Variants in NBPF19 observed in about 807,000 individuals in gnomAD.
NBPF19 encodes the protein NBPF member 19.
Under a neutral mutation model 45.9 loss-of-function variants are expected in NBPF19, and 30 were observed. The ratio of observed to expected loss-of-function variants is 0.65; its 90% confidence interval spans 0.49 to 0.89. NBPF19 has a LOEUF of 0.89. Ranked by LOEUF, NBPF19 falls within the 40% of genes least tolerant of loss-of-function variation. The pLI is 0.00. For missense variants in NBPF19, 495 were observed against 471.8 expected (o/e 1.05, Z -0.46); for synonymous variants, 183 against 181.2 (o/e 1.01, Z -0.08).
At chr1:149,478,716 C>G (rs1314299872) in intron 3 of NBPF19, among the ~76,000 whole-genome samples, 164 bp from the exon 4 acceptor site, 1 of 150,728 alleles carries the variant, frequency 6.6e-6, no homozygotes, top group Non-Finnish European at 1.5e-5. Context: ...GCCTGTAGAC[C>G]ATTTTCTATT....
At chr1:149,486,699 G>C (rs1383098692) in intron 8 of NBPF19, among the ~76,000 whole-genome samples, 15 of 151,254 alleles carry the variant, frequency 9.9e-5, no homozygotes, top group Non-Finnish European at 5.9e-5. Context: ...TTCTTTACCT[G>C]CCCAAGGCCA....
At chr1:149,477,298 G>A (rs1251128373) in intron 2 of NBPF19, among the ~76,000 whole-genome samples, 3 of 151,274 alleles carry the variant, frequency 2.0e-5, no homozygotes, top group Non-Finnish European at 4.4e-5. Context: ...TCATTCTGAT[G>A]TTTCTAAATT....
chr1:149,488,013 G>T lies in NBPF19; in HGVS notation c.1041G>T (p.Arg347Ser). The change falls in exon 10 of 94, where the codon AGG becomes AGT. Residue 347 changes from arginine (R) to serine (S), a missense_variant and splice_region_variant. Physicochemically the swap from Arg to Ser is moderately radical, Grantham distance 110 (BLOSUM62 -1). Coordinates refer to ENST00000651566, the MANE Select transcript of NBPF19 (RefSeq NM_001351365.2). ...TCTTTACTTTTTCCCACTTTTCCAG[G>T]CTCAGCAGGGAGCTGCTGGATGAGA... ...KKEDQEATGP[R>S]LSRELLDEKG... 2.9e-6 allele frequency: 2 copies of T among 687,154 alleles called. No homozygotes were observed. Among genetic ancestry groups the T allele is most frequent in the Non-Finnish European group, 5.3e-6 (2 of 375,224 alleles). The allele number at this position is 687,154 out of a possible 1,614,324, so 42.6% of individuals were successfully genotyped here.
chr1:149,477,509 T>C (rs2084914834), intron 2 of NBPF19, among the ~76,000 whole-genome samples: 1 of 151,272 alleles, frequency 6.6e-6, no homozygotes, highest in Non-Finnish European at 1.5e-5. Flanking sequence ...CTTGACATAT[T>C]TGTCCTTGAA....
rs1371670499 is a variant in NBPF19, at chr1:149,555,737, A to G, written c.*999A>G. 2.0e-5 allele frequency: 3 copies of G among 151,210 alleles called. 1 individual carries two copies. The highest frequency in any genetic ancestry group is 4.4e-5 in the Non-Finnish European group (3 of 67,590). The allele number at this position is 151,210 out of a possible 1,614,324, so 9.4% of individuals were successfully genotyped here. A position where few individuals can be genotyped will look rare whatever the true frequency, so the allele number is the denominator to read the frequency against. ...ATGGTGGTGACATGGACTTGTTTAT[A>G]GAGGACAGGTCAGCTCTCTGGCTCA... On this transcript the variant is annotated 3_prime_UTR_variant, in exon 94 of 94. Transcript: ENST00000651566.
Position 149,488,147 on chromosome 1 carries a change from T to A in NBPF19, c.1175T>A (p.Leu392Ter), listed in dbSNP as rs1166777148. The change falls in exon 10 of 94, where the codon TTG becomes TAG. Residue 392 changes from leucine (L) to a stop codon, truncating the protein, a stop_gained. Transcript: ENST00000651566. LOFTEE classifies it high-confidence loss of function. ...CCCTACAGAAGTGCCTTTTACGTAT[T>A]GGAGCAACAGCGTGTTGGCTTGGCT... ...CQPYRSAFYV[L>*]EQQRVGLAID... 3.4e-5 allele frequency: 23 copies of A among 681,746 alleles called. 1 individual carries two copies. Among genetic ancestry groups the A allele is most frequent in the Non-Finnish European group, 4.2e-5 (16 of 379,616 alleles). The allele number at this position is 681,746 out of a possible 1,614,324, so 42.2% of individuals were successfully genotyped here.
At chr1:149,486,591 C>T (rs1244863925) in intron 8 of NBPF19, among the ~76,000 whole-genome samples, 1 of 151,278 alleles carries the variant, frequency 6.6e-6, no homozygotes, top group African/African-American at 2.4e-5. Flanking sequence ...GTAGCACATG[C>T]CCAGGAGTTG....
rs2087208523 is a variant in NBPF19 at position 149,554,839 on chromosome 1, A to T, written c.*101A>T. 8 of 1,576,538 alleles carry T rather than the reference A, an allele frequency of 5.1e-6. No homozygotes were observed. The highest frequency in any genetic ancestry group is 2.3e-4 in the Middle Eastern group (1 of 4,320). On this transcript the variant is annotated 3_prime_UTR_variant, in exon 94 of 94. Coordinates refer to ENST00000651566, the MANE Select transcript of NBPF19 (RefSeq NM_001351365.2). ...CAGTTCCATTTGGAAGCCCAGACAT[A>T]GGATGGGTCAGTGGGCATGGCTCTT...
chr1:149,520,939 T>G (rs1484785283), intron 51 of NBPF19, among the ~76,000 whole-genome samples: 730 of 29,458 alleles, frequency 0.025, 2 homozygotes, highest in Non-Finnish European at 0.049. Context: ...TTTGAGCATA[T>G]TTTATGGAAA....
intron 3 of NBPF19, among the ~76,000 whole-genome samples, chr1:149,478,636 G>A (rs1288572484): frequency 6.6e-6 from 1 of 150,832 alleles, no homozygotes; most frequent in Non-Finnish European, 1.5e-5. Context: ...ACCTACTTTT[G>A]TTTACAGAAG....
chr1:149,538,455 G>GCA (rs1222489584), intron 73 of NBPF19, among the ~76,000 whole-genome samples: 1 of 34,328 alleles, frequency 2.9e-5, no homozygotes, highest in African/African-American at 7.9e-5. Context: ...GTGTGTGTGT[G>GCA]TGTGTGTGTG....
Position 149,554,846 on chromosome 1 carries a change from G to C in NBPF19, c.*108G>C, listed in dbSNP as rs1332625331. On this transcript the variant is annotated 3_prime_UTR_variant, in exon 94 of 94. Coordinates refer to ENST00000651566, the MANE Select transcript of NBPF19 (RefSeq NM_001351365.2). ...ATTTGGAAGCCCAGACATAGGATGG[G>C]TCAGTGGGCATGGCTCTTTTCCTAT... 4 of 1,563,958 alleles carry C rather than the reference G, an allele frequency of 2.6e-6. No individual in the cohort carries two copies. The highest frequency in any genetic ancestry group is 2.3e-5 in the South Asian group (2 of 85,348).
In NBPF19 at chr1:149,554,845, G is replaced by C. The variant is rs1278524665; in HGVS notation, c.*107G>C. 7.0e-6 allele frequency: 11 copies of C among 1,564,780 alleles called. No homozygotes were observed. Among genetic ancestry groups the C allele is most frequent in the African/African-American group, 1.4e-5 (1 of 73,482 alleles). ...CATTTGGAAGCCCAGACATAGGATG[G>C]GTCAGTGGGCATGGCTCTTTTCCTA... On this transcript the variant is annotated 3_prime_UTR_variant, in exon 94 of 94. Coordinates refer to ENST00000651566, the MANE Select transcript of NBPF19 (RefSeq NM_001351365.2).
At position 149,490,919 on chromosome 1, in the gene NBPF19, T is replaced by C. The variant is rs1327766268; in HGVS notation, c.1491-220T>C. ...CTCTCTGTGTGTGTGTGTGTGTGTGTGCGTGTGTGTGTGTGTGTGTGTGTG... is the reference window on the plus strand; with the variant it reads ...CTCTCTGTGTGTGTGTGTGTGTGTGCGCGTGTGTGTGTGTGTGTGTGTGTG... On this transcript the variant is annotated intron_variant, in intron 13 of 93. Transcript: ENST00000651566. Among the ~76,000 whole-genome samples the C allele has an allele frequency of 4.3e-3, 555 of 130,546 alleles. 62 individuals carry two copies. Among genetic ancestry groups the C allele is most frequent in the East Asian group, 0.01 (44 of 4,198 alleles). 85.6% of individuals were successfully genotyped at this position (130,546 alleles called of 152,430 possible). A position where few individuals can be genotyped will look rare whatever the true frequency, so the allele number is the denominator to read the frequency against.
rs2084945485 is a variant in NBPF19 at position 149,478,050 on chromosome 1, G to A, written c.278+3G>A. 4.5e-6 allele frequency: 7 copies of A among 1,564,184 alleles called. No homozygotes were observed. Among genetic ancestry groups the A allele is most frequent in the Non-Finnish European group, 6.1e-6 (7 of 1,143,022 alleles). ...CTGAAGCAAGCTGAGGAGCTCAGGT[G>A]AGGGGACCCCGTGGGGGGAGGGCAG... is the stretch of plus-strand genomic sequence containing the variant. On this transcript the variant is annotated splice_donor_region_variant and intron_variant, in intron 3 of 93. Coordinates refer to ENST00000651566, the MANE Select transcript of NBPF19 (RefSeq NM_001351365.2).
Position 149,554,545 on chromosome 1 carries a change from C to G in NBPF19, c.11339C>G (p.Ser3780Ter). 1 of 1,608,268 alleles carries G rather than the reference C, an allele frequency of 6.2e-7. No individual in the cohort carries two copies. The highest frequency in any genetic ancestry group is 8.5e-7 in the Non-Finnish European group (1 of 1,176,760). Residue 3780 changes from serine to a stop codon, truncating the protein, a stop_gained, in exon 94 of 94, where the codon TCA becomes TGA. Coordinates refer to ENST00000651566, the MANE Select transcript of NBPF19 (RefSeq NM_001351365.2). LOFTEE classifies it low-confidence loss of function (END_TRUNC). ...GAAGAGCCTGAAGTCTTACAGGACT[C>G]ACTGGATGGATGTTATTCGACTCCG... ...EVEEPEVLQD[S>*]LDGCYSTPSM...
At position 149,554,730 on chromosome 1, in the gene NBPF19, C is replaced by G. The variant is rs2087203884; in HGVS notation, c.11524C>G (p.Pro3842Ala). Residue 3842 changes from proline (P) to alanine (A), a missense_variant, in exon 94 of 94, where the codon CCA becomes GCA. This residue lies in a region of NBPF19 where 248 missense variants were observed against 95.4 expected (regional missense o/e 2.60). Coordinates refer to ENST00000651566, the MANE Select transcript of NBPF19 (RefSeq NM_001351365.2). ...HLVFQMLVIF[P>A]Q is the part of the protein sequence containing the mutation. ...GGTGTTCCAGATGTTAGTCATATTC[C>G]CACAATAGGCAGCCCTTACTAAGCC... is the stretch of plus-strand genomic sequence containing the variant. 9 of 1,607,982 alleles carry G rather than the reference C, an allele frequency of 5.6e-6. No individual in the cohort carries two copies. The highest frequency in any genetic ancestry group is 7.6e-6 in the Non-Finnish European group (9 of 1,176,598).
intron 9 of NBPF19, among the ~76,000 whole-genome samples, 186 bp downstream of exon 9, chr1:149,487,569 T>C (rs1260334085): frequency 1.3e-5 from 2 of 151,178 alleles, no homozygotes; most frequent in East Asian, 1.9e-4. Context: ...CCTACCCTTA[T>C]CATTTACTAA....
intron 10 of NBPF19, 55 bp downstream of exon 10, chr1:149,488,240 C>T (rs2085734731): frequency 1.8e-6 from 1 of 569,386 alleles, no homozygotes; most frequent in Non-Finnish European, 3.1e-6. Context: ...TGGTTAGGGT[C>T]ATATTCCTAC....
Sources: allele counts gnomAD v4.1 joint callset (sites outside exome capture counted in the v4.1 genomes callset), GRCh38; gene constraint gnomAD v4.1.1; regional missense constraint gnomAD v4.1.1; transcripts MANE v1.5; gene names NCBI Gene and HGNC (gene_info 2026-07-23, HGNC 2026-07-21).